LMBR1: variants seen among roughly 807,000 people sequenced by gnomAD.
LMBR1 encodes limb development membrane protein 1.
A neutral mutation model predicts 73.9 loss-of-function variants in LMBR1; 52 were observed. The observed-to-expected ratio is 0.70, with a 90% CI of 0.56 to 0.89. LMBR1 has a LOEUF of 0.89. Ranked by LOEUF, LMBR1 falls within the 40% of genes least tolerant of loss-of-function variation. LMBR1 has a pLI of 0.00. For missense variants in LMBR1, 539 were observed against 579.8 expected (o/e 0.93, Z 0.72); for synonymous variants, 215 against 209.4 (o/e 1.03, Z -0.23).
Position 156,681,169 on chromosome 7 carries a change from G to T in LMBR1, c.*2909C>A, listed in dbSNP as rs910567161. 4.4e-6 allele frequency: 2 copies of T among 453,792 alleles called. No homozygotes were observed. The highest frequency in any genetic ancestry group is 8.9e-6 in the Non-Finnish European group (2 of 225,964). The allele number at this position is 453,792 out of a possible 1,614,324, so 28.1% of individuals were successfully genotyped here. ...AACTAGCACATAAGAGCCTGTAAATGATGAAAACCTGTGTCCCTGGCAGAC... is the reference window on the plus strand; with the variant it reads ...AACTAGCACATAAGAGCCTGTAAATTATGAAAACCTGTGTCCCTGGCAGAC... On this transcript the variant is annotated 3_prime_UTR_variant, in exon 17 of 17. Transcript: ENST00000353442.
chr7:156,750,850 C>T (rs1399341265), intron 9 of LMBR1, among the ~76,000 whole-genome samples: 1 of 152,184 alleles, frequency 6.6e-6, no homozygotes, highest in Non-Finnish European at 1.5e-5. Flanking sequence ...TGGCTCACAC[C>T]TGTAATTTTA....
At chr7:156,856,411 G>C (rs914894228) in intron 1 of LMBR1, among the ~76,000 whole-genome samples, 1 of 152,048 alleles carries the variant, frequency 6.6e-6, no homozygotes. Flanking sequence ...TCAAATCTAT[G>C]TAAAGAAAGA....
chr7:156,828,302 C>T (rs1260567566), intron 3 of LMBR1, among the ~76,000 whole-genome samples: 2 of 152,114 alleles, frequency 1.3e-5, no homozygotes, highest in Non-Finnish European at 2.9e-5. Context: ...CCTAGAATAC[C>T]CTCTAAGTTG....
At chr7:156,702,977 T>C (rs1234202163) in intron 15 of LMBR1, among the ~76,000 whole-genome samples, 1 of 152,172 alleles carries the variant, frequency 6.6e-6, no homozygotes, top group Non-Finnish European at 1.5e-5. Flanking sequence ...GGGCCAAAAA[T>C]GGGGAATGAA....
chr7:156,888,021 G>A (rs964411783), intron 1 of LMBR1, among the ~76,000 whole-genome samples: 3 of 152,230 alleles, frequency 2.0e-5, no homozygotes, highest in African/African-American at 7.2e-5. Context: ...GTGTGTTGGT[G>A]AAGATGCGGA....
chr7:156,757,200 G>A (rs950414335), intron 8 of LMBR1, among the ~76,000 whole-genome samples: 1 of 152,210 alleles, frequency 6.6e-6, no homozygotes, highest in Non-Finnish European at 1.5e-5. Flanking sequence ...CAATATTTTA[G>A]AGATAGAAGG....
chr7:156,829,612 G>T (rs1836307598), intron 3 of LMBR1, among the ~76,000 whole-genome samples: 1 of 152,196 alleles, frequency 6.6e-6, no homozygotes, highest in South Asian at 2.1e-4. Context: ...CCAGTTTCAA[G>T]TGCTCCTTTA....
intron 15 of LMBR1, among the ~76,000 whole-genome samples, chr7:156,717,004 T>G (rs1813358068): frequency 1.3e-5 from 2 of 151,782 alleles, no homozygotes; most frequent in Admixed American, 6.6e-5. Flanking sequence ...CTGGGTGTGG[T>G]GGTGGGCAGC....
chr7:156,833,833 A>G, intron 2 of LMBR1, 41 bp from the exon 3 acceptor site: 1 of 1,249,190 alleles, frequency 8.0e-7, no homozygotes, highest in Non-Finnish European at 1.1e-6. Flanking sequence ...TTTATCTTCT[A>G]ACAAAATGCG....
At chr7:156,818,627 T>G (rs1398924420) in intron 4 of LMBR1, among the ~76,000 whole-genome samples, 1 of 152,210 alleles carries the variant, frequency 6.6e-6, no homozygotes, top group Non-Finnish European at 1.5e-5. Flanking sequence ...TCAGTGGCAT[T>G]TGCACTGAAC....
chr7:156,716,285 C>A (rs576044997), intron 15 of LMBR1, among the ~76,000 whole-genome samples: 7 of 152,252 alleles, frequency 4.6e-5, no homozygotes, highest in Non-Finnish European at 7.4e-5. Flanking sequence ...ACTGTGGGAA[C>A]AATGGGAACC....
intron 1 of LMBR1, among the ~76,000 whole-genome samples, chr7:156,877,567 C>A (rs957542730): frequency 6.6e-6 from 1 of 152,144 alleles, no homozygotes; most frequent in East Asian, 1.9e-4. Flanking sequence ...GGGTTTCATA[C>A]CACAGATGCA....
intron 1 of LMBR1, among the ~76,000 whole-genome samples, chr7:156,846,693 A>C (rs1419699136): frequency 6.6e-6 from 1 of 152,178 alleles, no homozygotes; most frequent in East Asian, 1.9e-4. Flanking sequence ...ACTGATTCTA[A>C]ATTTTACATG....
At chr7:156,752,704 G>A (rs1821129693) in intron 9 of LMBR1, among the ~76,000 whole-genome samples, 1 of 152,238 alleles carries the variant, frequency 6.6e-6, no homozygotes, top group East Asian at 1.9e-4. Flanking sequence ...TCTGAGGGAA[G>A]AAAAGACAGA....
At chr7:156,835,567 T>C (rs1586123191) in intron 2 of LMBR1, among the ~76,000 whole-genome samples, 1 of 151,912 alleles carries the variant, frequency 6.6e-6, no homozygotes, top group East Asian at 1.9e-4. Context: ...TGGTAGTGCA[T>C]GCCTGTAATC....
At chr7:156,852,172 T>C (rs1337735691) in intron 1 of LMBR1, among the ~76,000 whole-genome samples, 1 of 152,098 alleles carries the variant, frequency 6.6e-6, no homozygotes, top group African/African-American at 2.4e-5. Context: ...TAACAAATAA[T>C]AATATAACAA....
intron 9 of LMBR1, among the ~76,000 whole-genome samples, chr7:156,750,980 G>A (rs530606304): frequency 2.0e-5 from 3 of 152,076 alleles, no homozygotes; most frequent in Non-Finnish European, 4.4e-5. Context: ...TATGGTGGTG[G>A]GCGCCTGTAG....
At chr7:156,747,288 T>C (rs1267399703) in intron 9 of LMBR1, among the ~76,000 whole-genome samples, 1 of 152,166 alleles carries the variant, frequency 6.6e-6, no homozygotes, top group Non-Finnish European at 1.5e-5. Flanking sequence ...TCTCTTTGGA[T>C]TCAGGAAAAC....
intron 4 of LMBR1, among the ~76,000 whole-genome samples, chr7:156,824,707 T>C (rs1216031206): frequency 6.6e-6 from 1 of 152,010 alleles, no homozygotes; most frequent in Non-Finnish European, 1.5e-5. Flanking sequence ...TAGCTTGGCG[T>C]GGTGTCACAC....
Sources: gnomAD v4.1 joint callset for allele counts (sites outside exome capture counted in the v4.1 genomes callset) on GRCh38, gnomAD v4.1.1 for gene constraint, MANE v1.5 for transcripts, NCBI Gene and HGNC (gene_info 2026-07-23, HGNC 2026-07-21) for gene names.